COX4I1: variants seen among roughly 807,000 people sequenced by gnomAD.
The protein encoded by COX4I1 is cytochrome c oxidase subunit 4I1.
In COX4I1, 18 loss-of-function variants were observed where a neutral mutation model predicts 21.7. That is an observed-to-expected ratio of 0.83 (90% confidence interval 0.57 to 1.23). The LOEUF is 1.23. Among genes scored for constraint, COX4I1 ranks in the 50% most tolerant of loss-of-function variants. The pLI is 0.00. For synonymous variants in COX4I1, 100 were observed against 81.5 expected, an observed-to-expected ratio of 1.23 and a Z score of -1.23; for missense variants, 238 against 220.7, an observed-to-expected ratio of 1.08 and a Z score of -0.50.
Position 85,805,007 on chromosome 16 carries a change from G to A in COX4I1, c.144G>A (p.Glu48=). The A allele has an allele frequency of 6.2e-7, 1 of 1,614,192 alleles. No individual in the cohort carries two copies. ...ATCGGCGTGACCACCCCTTGCCGGA[G>A]GTGGCCCATGTCAAGCACCTGTCTG... ...YMDRRDHPLP[E]VAHVKHLSAS... Residue 48 remains glutamate (E), a synonymous_variant, in exon 3 of 5, where the codon GAG becomes GAA. Coordinates refer to ENST00000253452, the MANE Select transcript of COX4I1 (RefSeq NM_001861.6).
At chr16:85,806,511 T>G (rs1906214502) in intron 4 of COX4I1, 1 of 721,004 alleles carries the variant, frequency 1.4e-6, no homozygotes, top group African/African-American at 1.7e-5. Flanking sequence ...AGAGAGGACC[T>G]TCTGCTTTTA....
intron 2 of COX4I1, among the ~76,000 whole-genome samples, chr16:85,801,665 G>A (rs553666205): frequency 9.2e-5 from 14 of 152,088 alleles, no homozygotes; most frequent in Non-Finnish European, 2.1e-4. Flanking sequence ...CAATGGAAAC[G>A]AAAGAGCCTG....
At chr16:85,800,938 T>A (rs1418028673) in intron 1 of COX4I1, among the ~76,000 whole-genome samples, 1 of 152,204 alleles carries the variant, frequency 6.6e-6, no homozygotes, top group Non-Finnish European at 1.5e-5. Flanking sequence ...CTTGTTTTTT[T>A]AAAAAGACCA....
intron 1 of COX4I1, among the ~76,000 whole-genome samples, chr16:85,800,377 G>A (rs1445783263): frequency 1.3e-5 from 2 of 152,228 alleles, no homozygotes; most frequent in African/African-American, 4.8e-5. Context: ...GGTCTCATAG[G>A]TTTTCCGCTC....
chr16:85,805,145 C>A, intron 3 of COX4I1, 41 bp downstream of exon 3: 2 of 1,578,280 alleles, frequency 1.3e-6, no homozygotes, highest in South Asian at 2.3e-5. Flanking sequence ...CAGCAGCTCT[C>A]GGAAGCGTGT....
Position 85,801,284 on chromosome 16 carries a change from T to C in COX4I1, c.73+6T>C. On this transcript the variant is annotated splice_donor_region_variant and intron_variant, in intron 2 of 4. Coordinates refer to ENST00000253452, the MANE Select transcript of COX4I1 (RefSeq NM_001861.6). ...TGTGTGTGTACGAGCTCATGGTAAG[T>C]GTGACTTTTCTTACTTTTAAATAGG... The C allele has an allele frequency of 6.2e-7, 1 of 1,603,326 alleles. No individual in the cohort carries two copies. Among genetic ancestry groups the C allele is most frequent in the Non-Finnish European group, 8.5e-7 (1 of 1,170,854 alleles).
intron 3 of COX4I1, 63 bp from the exon 4 acceptor site, chr16:85,805,670 A>G (rs1567844233): frequency 6.2e-7 from 1 of 1,601,542 alleles, no homozygotes; most frequent in East Asian, 2.2e-5. Flanking sequence ...AAGTGGTTGA[A>G]TGTTGCAGAG....
chr16:85,805,533 CTTT>C, intron 3 of COX4I1, 197 bp from the exon 4 acceptor site: 1 of 689,190 alleles, frequency 1.5e-6, no homozygotes, highest in Non-Finnish European at 2.4e-6. Flanking sequence ...GCATTTTCTT[CTTT>C]CCTTGCCCTG....
chr16:85,806,437 A>G, intron 4 of COX4I1: 2 of 702,766 alleles, frequency 2.8e-6, no homozygotes, highest in Non-Finnish European at 5.2e-6. Flanking sequence ...AACAGACCCG[A>G]ATCTATTTGA....
At chr16:85,801,830 C>T (rs1905788426) in intron 2 of COX4I1, among the ~76,000 whole-genome samples, 2 of 152,144 alleles carry the variant, frequency 1.3e-5, no homozygotes, top group South Asian at 4.2e-4. Context: ...TGGCGTCTAT[C>T]TACTTTGTAC....
At chr16:85,800,319 C>T (rs1257435434) in intron 1 of COX4I1, among the ~76,000 whole-genome samples, 1 of 152,182 alleles carries the variant, frequency 6.6e-6, no homozygotes, top group Non-Finnish European at 1.5e-5. Context: ...TTAAAGGGGG[C>T]CGTGTAAGGT....
intron 3 of COX4I1, 69 bp from the exon 4 acceptor site, chr16:85,805,664 G>C: frequency 1.3e-6 from 2 of 1,598,450 alleles, no homozygotes; most frequent in South Asian, 2.2e-5. Flanking sequence ...GGGGAGAAGT[G>C]GTTGAATGTT....
chr16:85,801,096 T>G, intron 1 of COX4I1, 109 bp from the exon 2 acceptor site: 2 of 796,670 alleles, frequency 2.5e-6, no homozygotes, highest in Non-Finnish European at 4.3e-6. Flanking sequence ...ATCATTTGCG[T>G]TGGGGAGAAG....
intron 4 of COX4I1, chr16:85,806,200 A>C: frequency 1.7e-6 from 1 of 589,212 alleles, no homozygotes. Flanking sequence ...AGCAAGGATA[A>C]GGGGACTCAT....
intron 3 of COX4I1, 110 bp downstream of exon 3, chr16:85,805,214 A>G: frequency 8.6e-7 from 1 of 1,167,832 alleles, no homozygotes; most frequent in Non-Finnish European, 1.2e-6. Flanking sequence ...CTTGCACAGG[A>G]GGGTTGCTCT....
intron 4 of COX4I1, 35 bp from the exon 5 acceptor site, chr16:85,806,703 G>GC: frequency 6.2e-7 from 1 of 1,613,956 alleles, no homozygotes; most frequent in South Asian, 1.1e-5. Flanking sequence ...AACCTGTTGA[G>GC]ATAGTCTTGC....
At chr16:85,800,462 C>T (rs1235822354) in intron 1 of COX4I1, among the ~76,000 whole-genome samples, 1 of 152,100 alleles carries the variant, frequency 6.6e-6, no homozygotes, top group Non-Finnish European at 1.5e-5. Flanking sequence ...TATGTACAGG[C>T]GGTATTAGGT....
Position 85,806,901 on chromosome 16 carries a change from C to T in COX4I1, c.*27C>T, listed in dbSNP as rs774710244. 1.9e-5 allele frequency: 30 copies of T among 1,599,042 alleles called. No individual in the cohort carries two copies. Among genetic ancestry groups the T allele is most frequent in the East Asian group, 8.9e-5 (4 of 44,752 alleles). ...AGATGCTGGCCTGCGCCTGCACCTG[C>T]GCCTGGCTCTGTCACCGCCATGCAA... On this transcript the variant is annotated 3_prime_UTR_variant, in exon 5 of 5. Transcript: ENST00000253452.
rs375329322 is a variant in COX4I1, at chr16:85,805,114, G to A, written c.241+10G>A. 4 of 1,608,506 alleles carry A rather than the reference G, an allele frequency of 2.5e-6. No individual in the cohort carries two copies. The Admixed American group carries it at 5.1e-5, about 21-fold the overall frequency. On this transcript the variant is annotated intron_variant, in intron 3 of 4. Coordinates refer to ENST00000253452, the MANE Select transcript of COX4I1 (RefSeq NM_001861.6). ...GATGAGAAAGTCGAGTGTGGGTATT[G>A]AAGGGACCCACAGGCGCGCCCAGCA...
Sources: gnomAD v4.1 joint callset for allele counts (sites outside exome capture counted in the v4.1 genomes callset) on GRCh38, gnomAD v4.1.1 for gene constraint, MANE v1.5 for transcripts, NCBI Gene and HGNC (gene_info 2026-07-23, HGNC 2026-07-21) for gene names.